The following SIDT1 variants were observed in gnomAD, a reference collection of about 807,000 sequenced individuals.
The protein encoded by SIDT1 is SID1 transmembrane family, member 1.
Under a neutral mutation model 107.5 loss-of-function variants are expected in SIDT1, and 101 were observed. The ratio of observed to expected loss-of-function variants is 0.94; its 90% confidence interval spans 0.80 to 1.11. SIDT1 has a LOEUF of 1.11. SIDT1 is among the 50% of genes least tolerant of loss of function. The pLI, the probability that SIDT1 is intolerant of heterozygous loss-of-function variation, is 0.00. For missense variants in SIDT1, 1,076 were observed against 1,058.2 expected (o/e 1.02, Z -0.23); for synonymous variants, 395 against 398.2 (o/e 0.99, Z 0.10).
rs377625271 is a variant in SIDT1 at position 113,593,021 on chromosome 3, A to T, written c.1018A>T (p.Ile340Phe). The T allele has an allele frequency of 1.6e-5, 26 of 1,613,638 alleles. No homozygotes were observed. In the Admixed American group the frequency reaches 2.7e-4, roughly 17 times the overall value. ...TGTTTGCAGGTTTCAGAGAAAATCC[A>T]TTGATGGAAGCTTTGGGTCCAATGA... ...VHYLRFQRKSIDGSFGSNDGS... is the reference protein window; with the variant it reads ...VHYLRFQRKSFDGSFGSNDGS... The change falls in exon 10 of 25, where the codon ATT (isoleucine) becomes TTT (phenylalanine). Residue 340 changes from isoleucine (I) to phenylalanine (F), a missense_variant. Ile to Phe is a conservative substitution (Grantham distance 21, BLOSUM62 0). Transcript: ENST00000264852.
intron 1 of SIDT1, among the ~76,000 whole-genome samples, chr3:113,554,101 G>C (rs1174646801): frequency 6.6e-6 from 1 of 152,132 alleles, no homozygotes; most frequent in African/African-American, 2.4e-5. Flanking sequence ...TGGAGAGACA[G>C]AAAATGATTA....
intron 1 of SIDT1, among the ~76,000 whole-genome samples, chr3:113,562,189 A>G (rs888571484): frequency 2.3e-4 from 35 of 151,306 alleles, no homozygotes; most frequent in African/African-American, 7.8e-4. Flanking sequence ...GCTATATTCA[A>G]AAAAAAAAGA....
intron 9 of SIDT1, among the ~76,000 whole-genome samples, chr3:113,592,209 C>T (rs1271999856): frequency 6.6e-6 from 1 of 151,930 alleles, no homozygotes; most frequent in Non-Finnish European, 1.5e-5. Context: ...TTCTAGAATT[C>T]GATAGTGGTG....
chr3:113,541,811 T>G lies in SIDT1; in HGVS notation c.222+8568T>G, dbSNP rs116102584. On this transcript the variant is annotated intron_variant, in intron 1 of 24. Transcript: ENST00000264852. ...CTTCTGGCAAAAGTGAAAATAAAAT[T>G]TTTTTCCTTCCCTTATAAGTAACTT... Among the ~76,000 whole-genome samples the G allele has an allele frequency of 2.4e-3, 359 of 152,184 alleles. 2 individuals carry two copies. Among genetic ancestry groups the G allele is most frequent in the African/African-American group, 8.2e-3 (339 of 41,490 alleles).
At chr3:113,603,183 G>A in intron 12 of SIDT1, 33 bp downstream of exon 12, 3 of 1,581,842 alleles carry the variant, frequency 1.9e-6, no homozygotes, top group African/African-American at 1.4e-5. Flanking sequence ...CTCTTTGAGA[G>A]GGCAGAAAGT....
intron 5 of SIDT1, 54 bp from the exon 6 acceptor site, chr3:113,581,307 G>A (rs545521249): frequency 1.3e-5 from 18 of 1,383,902 alleles, no homozygotes; most frequent in Non-Finnish European, 1.9e-5. Flanking sequence ...TGTGTGGCAT[G>A]ACATTGCATG....
downstream of SIDT1, among the ~76,000 whole-genome samples, chr3:113,630,372 A>G (rs1947081221): frequency 6.6e-6 from 1 of 152,074 alleles, no homozygotes; most frequent in Non-Finnish European, 1.5e-5. Flanking sequence ...GCCCGGTTTT[A>G]TTTTAGCAGC....
At chr3:113,626,261 CT>C (rs1451105178) in intron 24 of SIDT1, 46 bp downstream of exon 24, 1 of 1,258,340 alleles carries the variant, frequency 7.9e-7, no homozygotes, top group African/African-American at 1.5e-5. Context: ...CTCTTTACAT[CT>C]TGTACTCTCT....
intron 1 of SIDT1, among the ~76,000 whole-genome samples, chr3:113,542,857 G>A (rs16861157): frequency 0.13 from 19,805 of 151,228 alleles, 1,787 homozygotes; most frequent in African/African-American, 0.25. Context: ...TTTTCCTCAG[G>A]CAGGGCTTTT....
intron 1 of SIDT1, among the ~76,000 whole-genome samples, chr3:113,541,373 T>C (rs1055402602): frequency 3.9e-5 from 6 of 152,200 alleles, no homozygotes; most frequent in Non-Finnish European, 8.8e-5. Flanking sequence ...TCTTACCATG[T>C]TGCCCAGGCT....
intron 1 of SIDT1, among the ~76,000 whole-genome samples, chr3:113,556,050 A>G (rs61575357): frequency 0.027 from 4,131 of 152,238 alleles, 97 homozygotes; most frequent in East Asian, 0.09. Flanking sequence ...CTGCCCAGGG[A>G]GATAGGTAGT....
intron 9 of SIDT1, among the ~76,000 whole-genome samples, chr3:113,587,404 ATAT>A (rs1426164591): frequency 6.6e-6 from 1 of 152,240 alleles, no homozygotes; most frequent in Non-Finnish European, 1.5e-5. Flanking sequence ...CTACAGGTGA[ATAT>A]TATACCTGGA....
intron 3 of SIDT1, 133 bp from the exon 4 acceptor site, chr3:113,576,789 T>G: frequency 1.1e-6 from 1 of 884,144 alleles, no homozygotes; most frequent in Non-Finnish European, 1.8e-6. Flanking sequence ...GAACCGGAAC[T>G]CCCCTCACCA....
At chr3:113,541,571 T>C (rs1938875687) in intron 1 of SIDT1, among the ~76,000 whole-genome samples, 1 of 152,218 alleles carries the variant, frequency 6.6e-6, no homozygotes, top group Admixed American at 6.5e-5. Flanking sequence ...GGTGCAAAAG[T>C]AATTGCAGTT....
intron 1 of SIDT1, among the ~76,000 whole-genome samples, chr3:113,549,781 T>C (rs1308611720): frequency 6.6e-6 from 1 of 152,222 alleles, no homozygotes; most frequent in African/African-American, 2.4e-5. Flanking sequence ...TCATGGATCA[T>C]GCTTTTGGTG....
rs750754450 is a variant in SIDT1 at position 113,623,693 on chromosome 3, C to T, written c.2267C>T (p.Ala756Val). Residue 756 changes from alanine to valine, a missense_variant, in exon 23 of 25, where the codon GCC (alanine) becomes GTC (valine). Physicochemically the swap from Ala to Val is moderately conservative, Grantham distance 64. Coordinates refer to ENST00000264852, the MANE Select transcript of SIDT1 (RefSeq NM_017699.3). ...GTGGCCACCGCTGTGATGTGGGCTG[C>T]CGCCCTATATTTTTTCTTCCAGAAT... Reference protein sequence around the residue: ...CIVATAVMWAAALYFFFQNLS... With the variant: ...CIVATAVMWAVALYFFFQNLS... 1 of 1,614,042 alleles carries T rather than the reference C, an allele frequency of 6.2e-7. No homozygotes were observed. Among genetic ancestry groups the T allele is most frequent in the South Asian group, 1.1e-5 (1 of 91,092 alleles).
chr3:113,560,851 T>G (rs7613948), intron 1 of SIDT1, among the ~76,000 whole-genome samples: 23,159 of 152,238 alleles, frequency 0.15, 1,853 homozygotes, highest in Non-Finnish European at 0.19. Flanking sequence ...CTTTCCCTAC[T>G]GACATGCTGA....
rs2107535285 is a variant in SIDT1 at position 113,532,900 on chromosome 3, G to C, written c.-122G>C. 1.6e-6 allele frequency: 1 copy of C among 633,508 alleles called. No individual in the cohort carries two copies. Among genetic ancestry groups the C allele is most frequent in the East Asian group, 3.6e-5 (1 of 27,870 alleles). The allele number at this position is 633,508 out of a possible 1,614,324, so 39.2% of individuals were successfully genotyped here. A position where few individuals can be genotyped will look rare whatever the true frequency, so the allele number is the denominator to read the frequency against. On this transcript the variant is annotated 5_prime_UTR_variant, in exon 1 of 25. Transcript: ENST00000264852. ...CAGCCCTGGCCGGCTGGGTTCGCCA[G>C]GCATCACCCGCTCGGCTCTGAAGCG...
At position 113,620,421 on chromosome 3, in the gene SIDT1, C is replaced by T. The variant is rs186747269; in HGVS notation, c.2090+695C>T. Among the ~76,000 whole-genome samples, 763 of 152,074 alleles carry T rather than the reference C, an allele frequency of 5.0e-3. 6 individuals carry two copies. Among genetic ancestry groups the T allele is most frequent in the African/African-American group, 0.017 (719 of 41,438 alleles). The stretch of plus-strand genomic sequence containing the variant: ...TGAATGAGTAAAATATTTTATTGAT[C>T]ACTCAAACCATAAGTAAGTTTAACT... On this transcript the variant is annotated intron_variant, in intron 21 of 24. Coordinates refer to ENST00000264852, the MANE Select transcript of SIDT1 (RefSeq NM_017699.3).
Sources: gnomAD v4.1 joint callset for allele counts (sites outside exome capture counted in the v4.1 genomes callset) on GRCh38, gnomAD v4.1.1 for gene constraint, MANE v1.5 for transcripts, NCBI Gene and HGNC (gene_info 2026-07-23, HGNC 2026-07-21) for gene names.